The following SMURF2 variants were observed in gnomAD, a reference collection of about 807,000 sequenced individuals.
SMURF2 encodes SMAD specific E3 ubiquitin protein ligase 2, also known as E3 ubiquitin-protein ligase SMURF2.
In SMURF2, 48 loss-of-function variants were observed where a neutral mutation model predicts 109.6. The ratio of observed to expected loss-of-function variants is 0.44; its 90% confidence interval spans 0.35 to 0.56. The LOEUF is 0.56. SMURF2 is among the 20% of genes least tolerant of loss of function. SMURF2 has a pLI of 0.01. For missense variants in SMURF2, 575 were observed against 909.0 expected (o/e 0.63, Z 4.72); for synonymous variants, 288 against 317.1 (o/e 0.91, Z 0.97).
At chr17:64,653,827 G>A (rs948459197) in intron 1 of SMURF2, among the ~76,000 whole-genome samples, 4 of 152,198 alleles carry the variant, frequency 2.6e-5, no homozygotes, top group South Asian at 2.1e-4. Flanking sequence ...GCCAAAAACT[G>A]GAAACAACAA....
rs1970334288 is a variant in SMURF2 at position 64,631,180 on chromosome 17, T to TG, written c.53-24541_53-24540insC. Among the ~76,000 whole-genome samples, 16 of 147,384 alleles carry TG rather than the reference T, an allele frequency of 1.1e-4. No individual in the cohort carries two copies. In the South Asian group the frequency reaches 3.5e-3, roughly 33 times the overall value. On this transcript the variant is annotated intron_variant, in intron 1 of 18. Coordinates refer to ENST00000262435, the MANE Select transcript of SMURF2 (RefSeq NM_022739.4). Reference sequence around the variant, plus strand: ...AGCCGGGTGTGGTGGCGTGTGCCTGTAGTCCCAGCTACTCAGGTCAAAAAA... The same window carrying TG: ...AGCCGGGTGTGGTGGCGTGTGCCTGTGAGTCCCAGCTACTCAGGTCAAAAAA...
At chr17:64,611,147 T>A (rs1387706850) in intron 1 of SMURF2, among the ~76,000 whole-genome samples, 2 of 152,240 alleles carry the variant, frequency 1.3e-5, no homozygotes, top group African/African-American at 2.4e-5. Flanking sequence ...AACCTGAGGA[T>A]CACAGTGTCC....
At chr17:64,621,281 C>G (rs1970197255) in intron 1 of SMURF2, among the ~76,000 whole-genome samples, 1 of 152,168 alleles carries the variant, frequency 6.6e-6, no homozygotes. Flanking sequence ...AAGACTGCAA[C>G]TATAAAAAGC....
chr17:64,572,855 T>C (rs1337052020), intron 9 of SMURF2: 2 of 152,030 alleles, frequency 1.3e-5, no homozygotes, highest in Non-Finnish European at 2.9e-5. Flanking sequence ...TCTACACTGT[T>C]AGAAAAAAAT....
chr17:64,590,144 C>CT lies in SMURF2; in HGVS notation c.400+939dup, dbSNP rs200015210. On this transcript the variant is annotated intron_variant, in intron 5 of 18. Transcript: ENST00000262435. ...GACATTCCTATTGAATTTTTCTTTT[C>CT]TTTTTTTTTTTTTTTGAGACAGGGT... Among the ~76,000 whole-genome samples, 839 of 136,866 alleles carry CT rather than the reference C, an allele frequency of 6.1e-3. 5 individuals are homozygous for CT. The highest frequency in any genetic ancestry group is 7.4e-3 in the Non-Finnish European group (473 of 63,692). The allele number at this position is 136,866 out of a possible 152,430, so 89.8% of individuals were successfully genotyped here.
intron 1 of SMURF2, 108 bp from the exon 2 acceptor site, chr17:64,606,748 T>C (rs1969976685): frequency 3.9e-5 from 29 of 748,424 alleles, no homozygotes; most frequent in Middle Eastern, 3.9e-4. Context: ...ACCCTAACTA[T>C]AGCAAGGTAT....
intron 6 of SMURF2, among the ~76,000 whole-genome samples, chr17:64,585,175 T>C (rs1969635754): frequency 6.6e-6 from 1 of 152,198 alleles, no homozygotes; most frequent in African/African-American, 2.4e-5. Flanking sequence ...AAAAATACTT[T>C]GAATGTTAAA....
At chr17:64,551,897 T>G (rs1969051046) in intron 15 of SMURF2, among the ~76,000 whole-genome samples, 193 bp from the exon 16 acceptor site, 1 of 152,158 alleles carries the variant, frequency 6.6e-6, no homozygotes, top group Non-Finnish European at 1.5e-5. Context: ...TCAATGTTGA[T>G]GAAAAGTGGT....
At chr17:64,552,925 A>G (rs559972609) in intron 15 of SMURF2, among the ~76,000 whole-genome samples, 19 of 152,202 alleles carry the variant, frequency 1.2e-4, no homozygotes, top group African/African-American at 4.6e-4. Flanking sequence ...GCTGGTCTTG[A>G]GCTCCTGACC....
Position 64,586,435 on chromosome 17 carries a change from A to G in SMURF2, c.401-265T>C, listed in dbSNP as rs114041762. ...TCACCATAGTAATGGTGCATAGCAG[A>G]GTCACTACTGTACTTAATTAAGAAG... On this transcript the variant is annotated intron_variant, in intron 5 of 18. Coordinates refer to ENST00000262435, the MANE Select transcript of SMURF2 (RefSeq NM_022739.4). Among the ~76,000 whole-genome samples, 1,486 of 152,290 alleles carry G rather than the reference A, an allele frequency of 9.8e-3. 16 individuals are homozygous for G. The highest frequency in any genetic ancestry group is 0.034 in the African/African-American group (1,403 of 41,558).
chr17:64,584,361 C>CTTTTTTTTTTTTTTTTTTTTTTT lies in SMURF2; in HGVS notation c.486-818_486-817insAAAAAAAAAAAAAAAAAAAAAAA, dbSNP rs372682588. ...CGAAACAGCTACTTTCTTTTTTTTT[C>CTTTTTTTTTTTTTTTTTTTTTTT]TTTTTTTTTTTTTTTTGAGACAGAG... On this transcript the variant is annotated intron_variant, in intron 6 of 18. Transcript: ENST00000262435. Among the ~76,000 whole-genome samples the CTTTTTTTTTTTTTTTTTTTTTTT allele has an allele frequency of 4.3e-4, 48 of 112,704 alleles. 3 individuals carry two copies. Among genetic ancestry groups the CTTTTTTTTTTTTTTTTTTTTTTT allele is most frequent in the African/African-American group, 1.3e-3 (34 of 26,834 alleles). The allele number at this position is 112,704 out of a possible 152,430, so 73.9% of individuals were successfully genotyped here.
Position 64,581,121 on chromosome 17 carries a change from A to G in SMURF2, c.570-130T>C. On this transcript the variant is annotated intron_variant, in intron 7 of 18. Coordinates refer to ENST00000262435, the MANE Select transcript of SMURF2 (RefSeq NM_022739.4). This position sits in a 1 kb window ranked among gnomAD's most constrained non-coding sequence, Gnocchi z 4.3. ...AAAACAGAATGACTAATACAAGTAT[A>G]ATGACTTCAAGAACTCTGAGTAAAA... 3 of 805,462 alleles carry G rather than the reference A, an allele frequency of 3.7e-6. No individual in the cohort carries two copies. In the South Asian group the frequency reaches 5.4e-5, roughly 14 times the overall value. The allele number at this position is 805,462 out of a possible 1,614,324, so 49.9% of individuals were successfully genotyped here.
chr17:64,628,549 T>C (rs571427911), intron 1 of SMURF2, among the ~76,000 whole-genome samples: 1 of 152,316 alleles, frequency 6.6e-6, no homozygotes, highest in East Asian at 1.9e-4. Flanking sequence ...GAATAGTTTC[T>C]AAATTACCGC....
At chr17:64,646,376 TCTTTC>T (rs1198043736) in intron 1 of SMURF2, among the ~76,000 whole-genome samples, 8 of 148,386 alleles carry the variant, frequency 5.4e-5, no homozygotes, top group African/African-American at 2.0e-4. Context: ...TTTTTTTTTT[TCTTTC>T]TTTTTTTTTT....
intron 16 of SMURF2, 60 bp downstream of exon 16, chr17:64,551,524 C>G: frequency 6.4e-7 from 1 of 1,564,864 alleles, no homozygotes; most frequent in East Asian, 2.3e-5. Flanking sequence ...AACTAAGTAA[C>G]AAAATAATTC....
intron 7 of SMURF2, among the ~76,000 whole-genome samples, 195 bp downstream of exon 7, chr17:64,583,266 C>T (rs1969601556): frequency 1.3e-5 from 2 of 152,114 alleles, no homozygotes; most frequent in Non-Finnish European, 2.9e-5. Context: ...CCTGGAGCTA[C>T]AATGACAGCA....
intron 1 of SMURF2, among the ~76,000 whole-genome samples, chr17:64,625,764 A>T (rs1970259272): frequency 6.6e-6 from 1 of 152,212 alleles, no homozygotes; most frequent in Non-Finnish European, 1.5e-5. Context: ...CAGTGATGCC[A>T]ATGTTGCTGG....
chr17:64,652,203 C>A (rs1381681042), intron 1 of SMURF2, among the ~76,000 whole-genome samples: 1 of 152,048 alleles, frequency 6.6e-6, no homozygotes, highest in Non-Finnish European at 1.5e-5. Context: ...CCAATCTAGG[C>A]TTTTCCTAAT....
chr17:64,659,936 C>T (rs1970753201), intron 1 of SMURF2, among the ~76,000 whole-genome samples: 1 of 152,152 alleles, frequency 6.6e-6, no homozygotes, highest in African/African-American at 2.4e-5. Context: ...GTACCTCAAA[C>T]TGTTTTTACT....
Sources: gnomAD v4.1 joint callset for allele counts (sites outside exome capture counted in the v4.1 genomes callset) on GRCh38, gnomAD v4.1.1 for gene constraint, Gnocchi (gnomAD v3.1) non-coding constraint, MANE v1.5 for transcripts, NCBI Gene and HGNC (gene_info 2026-07-23, HGNC 2026-07-21) for gene names.